Variants in TPD52 observed in about 807,000 individuals in gnomAD.
The protein encoded by TPD52 is tumor protein D52.
Under a neutral mutation model 31.3 loss-of-function variants are expected in TPD52, and 17 were observed. The ratio of observed to expected loss-of-function variants is 0.54; its 90% confidence interval spans 0.37 to 0.82. The LOEUF (loss-of-function observed/expected upper bound fraction) is 0.82, where lower values mean the gene tolerates loss of function less well. TPD52 is among the 40% of genes least tolerant of loss of function. The probability of loss-of-function intolerance (pLI) is 0.00; values close to 1 mark genes in which losing one functional copy is unlikely to be tolerated. For missense variants in TPD52, 212 were observed against 240.1 expected, an observed-to-expected ratio of 0.88 and a Z score of 0.77; for synonymous variants, 83 against 89.6, an observed-to-expected ratio of 0.93 and a Z score of 0.42.
At chr8:80,065,287 A>C (rs918177401) in intron 1 of TPD52, among the ~76,000 whole-genome samples, 1 of 117,132 alleles carries the variant, frequency 8.5e-6, no homozygotes, top group African/African-American at 2.9e-5. Flanking sequence ...ATATCTATAT[A>C]TCTATATCTA....
intron 1 of TPD52, among the ~76,000 whole-genome samples, chr8:80,125,455 A>G (rs988760750): frequency 6.6e-6 from 1 of 152,314 alleles, no homozygotes; most frequent in East Asian, 1.9e-4. Context: ...CAAGCCTTGC[A>G]CAGCTGGCGA....
intron 4 of TPD52, chr8:80,051,201 C>T (rs896599913): frequency 2.8e-6 from 1 of 361,680 alleles, no homozygotes; most frequent in Non-Finnish European, 5.1e-6. Flanking sequence ...TCCTTAGTAA[C>T]ACACCAGGCT....
intron 1 of TPD52, among the ~76,000 whole-genome samples, chr8:80,143,692 T>G (rs1160676284): frequency 6.6e-6 from 1 of 152,162 alleles, no homozygotes; most frequent in Non-Finnish European, 1.5e-5. Flanking sequence ...CAATCAAAAA[T>G]TATCATTTCT....
At chr8:80,089,922 G>C (rs569075513) in intron 1 of TPD52, among the ~76,000 whole-genome samples, 1 of 152,274 alleles carries the variant, frequency 6.6e-6, no homozygotes, top group East Asian at 1.9e-4. Context: ...GGAATCAAGG[G>C]AGGAGAGAAA....
At chr8:80,042,393 T>C (rs1299256330) in intron 7 of TPD52, 33 of 985,472 alleles carry the variant, frequency 3.3e-5, no homozygotes, top group East Asian at 1.1e-4. Flanking sequence ...CTTTGTAAAT[T>C]GTACATTTCC....
intron 7 of TPD52, among the ~76,000 whole-genome samples, chr8:80,038,730 C>T (rs991712639): frequency 2.0e-5 from 3 of 152,168 alleles, no homozygotes; most frequent in Admixed American, 2.0e-4. Context: ...ACAGACTCAA[C>T]ATTACCTGGG....
chr8:80,080,261 G>C (rs1815098711), intron 1 of TPD52: 1 of 1,562,708 alleles, frequency 6.4e-7, no homozygotes. Flanking sequence ...CAAACCCCAA[G>C]TTATGTCTAG....
At chr8:80,137,865 G>A (rs1809545529) in intron 1 of TPD52, among the ~76,000 whole-genome samples, 1 of 152,168 alleles carries the variant, frequency 6.6e-6, no homozygotes, top group Non-Finnish European at 1.5e-5. Context: ...TTGAGCCCAC[G>A]AGTTCAATGC....
intron 1 of TPD52, among the ~76,000 whole-genome samples, chr8:80,104,564 T>TAA (rs1182563814): frequency 2.2e-5 from 3 of 136,506 alleles, no homozygotes; most frequent in African/African-American, 5.4e-5. Context: ...CATCTCTATT[T>TAA]AAAAAAAAAA....
chr8:80,087,454 T>C (rs1815899487), intron 1 of TPD52, among the ~76,000 whole-genome samples: 1 of 152,236 alleles, frequency 6.6e-6, no homozygotes, highest in Admixed American at 6.5e-5. Flanking sequence ...CTATTCTTAT[T>C]CTTGCAATCC....
intron 1 of TPD52, among the ~76,000 whole-genome samples, chr8:80,113,388 A>C (rs1409954087): frequency 6.6e-6 from 1 of 152,202 alleles, no homozygotes; most frequent in African/African-American, 2.4e-5. Flanking sequence ...TTCTCAAAAA[A>C]CTAAAAATAG....
intron 1 of TPD52, among the ~76,000 whole-genome samples, chr8:80,116,837 T>C (rs1349229807): frequency 6.6e-6 from 1 of 151,424 alleles, no homozygotes; most frequent in African/African-American, 2.4e-5. Context: ...GGAATGTAAG[T>C]TTGTTTTAAC....
intron 1 of TPD52, 73 bp from the exon 2 acceptor site, chr8:80,064,666 C>T (rs1407146259): frequency 1.8e-6 from 2 of 1,095,456 alleles, no homozygotes; most frequent in Non-Finnish European, 2.8e-6. Flanking sequence ...CCTCCACTGT[C>T]CTAGCCAGAA....
At chr8:80,080,519 T>C in intron 1 of TPD52, 1 of 1,589,958 alleles carries the variant, frequency 6.3e-7, no homozygotes, top group Non-Finnish European at 8.6e-7. Flanking sequence ...GAGTGCCGCT[T>C]TGGCCATATT....
At chr8:80,171,071 T>TA in intron 1 of TPD52, 1 of 569,600 alleles carries the variant, frequency 1.8e-6, no homozygotes, top group African/African-American at 1.9e-5. Context: ...TCCAGTCACT[T>TA]ACAGGAGCTG....
chr8:80,096,964 T>C (rs1393310371), intron 1 of TPD52, among the ~76,000 whole-genome samples: 1 of 152,204 alleles, frequency 6.6e-6, no homozygotes. Flanking sequence ...ATAGTCTCTG[T>C]AGGCCAAAAA....
At chr8:80,038,759 G>A (rs1163892738) in intron 7 of TPD52, among the ~76,000 whole-genome samples, 1 of 152,068 alleles carries the variant, frequency 6.6e-6, no homozygotes, top group Non-Finnish European at 1.5e-5. Flanking sequence ...AGAAATGCAG[G>A]ATCTCAGATA....
At chr8:80,062,341 A>C (rs1252933373) in intron 2 of TPD52, among the ~76,000 whole-genome samples, 1 of 152,186 alleles carries the variant, frequency 6.6e-6, no homozygotes, top group Non-Finnish European at 1.5e-5. Flanking sequence ...CCACATGCAA[A>C]AGAATGAAGT....
At chr8:80,155,001 GTT>G (rs201457391) in intron 1 of TPD52, among the ~76,000 whole-genome samples, 4 of 139,462 alleles carry the variant, frequency 2.9e-5, no homozygotes, top group East Asian at 2.1e-4. Context: ...TTGGTTTTTT[GTT>G]TTTTTTTTTT....
Sources: gnomAD v4.1 joint callset for allele counts (sites outside exome capture counted in the v4.1 genomes callset) on GRCh38, gnomAD v4.1.1 for gene constraint, MANE v1.5 for transcripts, NCBI Gene and HGNC (gene_info 2026-07-23, HGNC 2026-07-21) for gene names.